The following LRP1B variants were observed in gnomAD, a reference collection of about 807,000 sequenced individuals.
The protein encoded by LRP1B is low-density lipoprotein receptor-related protein 1B.
Under a neutral mutation model 556.6 loss-of-function variants are expected in LRP1B, and 217 were observed. The ratio of observed to expected loss-of-function variants is 0.39; its 90% CI spans 0.35 to 0.44. The LOEUF (loss-of-function observed/expected upper bound fraction) is 0.44. LRP1B is among the 20% of genes least tolerant of loss of function. The pLI is 1.00. For missense variants in LRP1B, 5,053 were observed against 5,620.8 expected, an observed-to-expected ratio of 0.90 and a Z score of 3.23; for synonymous variants, 2,047 against 1,865.8, an observed-to-expected ratio of 1.10 and a Z score of -2.50.
At position 140,840,150 on chromosome 2, in the gene LRP1B, A is replaced by G. The variant is rs543986080; in HGVS notation, c.5115-65T>C. On this transcript the variant is annotated intron_variant, in intron 30 of 90. Transcript: ENST00000389484. ...AGACCTACTCACTGAGAAGAAATATACACTAAAAAACAAAGTAAACATCAA... is the reference window on the plus strand; with the variant it reads ...AGACCTACTCACTGAGAAGAAATATGCACTAAAAAACAAAGTAAACATCAA... 5 of 840,208 alleles carry G rather than the reference A, an allele frequency of 6.0e-6. No homozygotes were observed. The African/African-American group carries it at 8.8e-5, about 15-fold the overall frequency. 52.0% of individuals were successfully genotyped at this position (840,208 alleles called of 1,614,324 possible). A position where few individuals can be genotyped will look rare whatever the true frequency, so the allele number is the denominator to read the frequency against.
rs1687225546 is a variant in LRP1B, at chr2:140,459,364, T to G, written c.9626-1713A>C. On this transcript the variant is annotated intron_variant, in intron 60 of 90. Transcript: ENST00000389484. ...AAGATTTTTAGAATAAAATAAAAAT[T>G]TACAGGAAATGTTGAAAGCCTCAAA... Among the ~76,000 whole-genome samples, 4 of 152,136 alleles carry G rather than the reference T, an allele frequency of 2.6e-5. No individual in the cohort carries two copies. In the South Asian group the frequency reaches 8.3e-4, roughly 32 times the overall value.
At chr2:141,770,243 C>T (rs961775017) in intron 2 of LRP1B, among the ~76,000 whole-genome samples, 1 of 151,890 alleles carries the variant, frequency 6.6e-6, no homozygotes, top group Non-Finnish European at 1.5e-5. Flanking sequence ...TATGCACTTC[C>T]CTTATTTATG....
intron 7 of LRP1B, among the ~76,000 whole-genome samples, chr2:141,071,409 G>A (rs1699638449): frequency 6.6e-6 from 1 of 151,962 alleles, no homozygotes; most frequent in East Asian, 1.9e-4. Flanking sequence ...ATACTGAATG[G>A]GCAAAAACTG....
chr2:140,420,396 T>C (rs189626470), intron 66 of LRP1B, among the ~76,000 whole-genome samples: 2 of 152,324 alleles, frequency 1.3e-5, no homozygotes, highest in African/African-American at 2.4e-5. Flanking sequence ...CCCAAGGATG[T>C]GTAGGAATTG....
chr2:141,577,369 T>A (rs1057020332), intron 2 of LRP1B, among the ~76,000 whole-genome samples: 10 of 152,344 alleles, frequency 6.6e-5, no homozygotes, highest in African/African-American at 2.4e-4. Context: ...ATTTCTGTAT[T>A]AATTCACTAC....
intron 22 of LRP1B, among the ~76,000 whole-genome samples, chr2:140,904,291 C>T (rs921928958): frequency 1.3e-5 from 2 of 152,054 alleles, no homozygotes; most frequent in African/African-American, 4.8e-5. Flanking sequence ...TTATCTACCA[C>T]TGTGTACCAT....
chr2:141,357,468 T>C (rs545146989), intron 3 of LRP1B, among the ~76,000 whole-genome samples: 8 of 152,178 alleles, frequency 5.3e-5, no homozygotes, highest in Admixed American at 1.3e-4. Flanking sequence ...AAACCTAAAA[T>C]GCAAACTATT....
intron 41 of LRP1B, among the ~76,000 whole-genome samples, chr2:140,695,097 T>C (rs1012271800): frequency 5.9e-5 from 9 of 151,630 alleles, no homozygotes; most frequent in African/African-American, 2.2e-4. Flanking sequence ...TTTTAAGCTG[T>C]CTTTCTTAAG....
intron 2 of LRP1B, among the ~76,000 whole-genome samples, chr2:141,540,023 A>G (rs982005518): frequency 6.6e-6 from 1 of 152,140 alleles, no homozygotes; most frequent in Non-Finnish European, 1.5e-5. Context: ...GGTGTTTCCA[A>G]TAGCTCCTAA....
chr2:140,240,237 A>G (rs986403006), intron 87 of LRP1B, among the ~76,000 whole-genome samples: 4 of 150,994 alleles, frequency 2.6e-5, no homozygotes, highest in African/African-American at 7.2e-5. Flanking sequence ...TTAGCAAGAC[A>G]TATTTTAGGA....
intron 7 of LRP1B, among the ~76,000 whole-genome samples, chr2:141,100,584 G>A (rs1393485483): frequency 6.6e-6 from 1 of 152,144 alleles, no homozygotes; most frequent in Non-Finnish European, 1.5e-5. Flanking sequence ...TTAAAGACAA[G>A]TGAGGTAGAG....
At chr2:141,279,234 T>C (rs1431028356) in intron 3 of LRP1B, among the ~76,000 whole-genome samples, 1 of 152,002 alleles carries the variant, frequency 6.6e-6, no homozygotes, top group African/African-American at 2.4e-5. Flanking sequence ...ATTTTTTAAA[T>C]GTTTATAGTA....
rs546269583 is a variant in LRP1B at position 140,542,960 on chromosome 2, G to A, written c.7195-989C>T. ...AAGTTCACACGGGTCCAGAAATCAT[G>A]CCTGTTAACACCAACCAGATTCAAA... On this transcript the variant is annotated intron_variant, in intron 43 of 90. Transcript: ENST00000389484. Among the ~76,000 whole-genome samples, 19 of 152,242 alleles carry A rather than the reference G, an allele frequency of 1.2e-4. No individual in the cohort carries two copies. The South Asian group carries it at 3.9e-3, about 32-fold the overall frequency.
chr2:141,238,104 A>T (rs1683725631), intron 5 of LRP1B, among the ~76,000 whole-genome samples: 1 of 152,208 alleles, frequency 6.6e-6, no homozygotes, highest in Non-Finnish European at 1.5e-5. Context: ...AAATTTCAGA[A>T]TATAATTCAT....
chr2:140,673,040 T>C (rs1289622130), intron 41 of LRP1B, among the ~76,000 whole-genome samples: 1 of 152,218 alleles, frequency 6.6e-6, no homozygotes, highest in Non-Finnish European at 1.5e-5. Flanking sequence ...AATTTTAGTG[T>C]CATTTGCAAT....
At chr2:142,115,828 ATC>A in intron 1 of LRP1B, among the ~76,000 whole-genome samples, 1 of 7,668 alleles carries the variant, frequency 1.3e-4, no homozygotes, top group East Asian at 0.1. Context: ...TGTAATATAT[ATC>A]ATATATATGT....
chr2:141,319,311 T>G (rs1260235312), intron 3 of LRP1B, among the ~76,000 whole-genome samples: 3 of 87,976 alleles, frequency 3.4e-5, no homozygotes, highest in South Asian at 3.6e-4. Flanking sequence ...TTTTTTGTTG[T>G]TTTTTTTTTT....
chr2:140,965,885 C>T (rs574712719), intron 18 of LRP1B, among the ~76,000 whole-genome samples: 1,079 of 71,352 alleles, frequency 0.015, 10 homozygotes, highest in African/African-American at 0.036. Flanking sequence ...GACATGAACT[C>T]ATCCTTTTTT....
At chr2:141,575,185 G>T (rs1686689344) in intron 2 of LRP1B, among the ~76,000 whole-genome samples, 1 of 152,168 alleles carries the variant, frequency 6.6e-6, no homozygotes, top group Non-Finnish European at 1.5e-5. Context: ...AAAGTTGGAA[G>T]CATCACGCTA....
Sources: allele counts gnomAD v4.1 joint callset (sites outside exome capture counted in the v4.1 genomes callset), GRCh38; gene constraint gnomAD v4.1.1; transcripts MANE v1.5; gene names NCBI Gene and HGNC (gene_info 2026-07-23, HGNC 2026-07-21).